Variants in GLS observed in about 807,000 individuals in gnomAD.
GLS encodes glutaminase.
GLS carries 36 observed loss-of-function variants against 86.7 expected under a neutral mutation model. The observed-to-expected ratio is 0.42, with a 90% CI of 0.32 to 0.55. The LOEUF (loss-of-function observed/expected upper bound fraction) is 0.55, where lower values mean the gene tolerates loss of function less well. GLS is among the 20% of genes least tolerant of loss of function. The pLI is 0.17. For synonymous variants in GLS, 317 were observed against 305.9 expected (o/e 1.04, Z -0.38); for missense variants, 528 against 833.4 (o/e 0.63, Z 4.51).
At chr2:190,906,082 A>G (rs1689126590) in intron 6 of GLS, among the ~76,000 whole-genome samples, 2 of 151,876 alleles carry the variant, frequency 1.3e-5, no homozygotes, top group Non-Finnish European at 2.9e-5. Context: ...TTTCTTTCCC[A>G]TTTTACCGTA....
chr2:190,964,800 A>G lies in GLS; in HGVS notation c.*1814A>G, dbSNP rs750560218. 1 of 152,212 alleles carries G rather than the reference A, an allele frequency of 6.6e-6. No homozygotes were observed. The highest frequency in any genetic ancestry group is 1.5e-5 in the Non-Finnish European group (1 of 68,044). The allele number at this position is 152,212 out of a possible 1,614,324, so 9.4% of individuals were successfully genotyped here. On this transcript the variant is annotated 3_prime_UTR_variant, in exon 18 of 18. Transcript: ENST00000320717. The surrounding 1 kb of genome is among the most constrained non-coding windows in gnomAD (Gnocchi z 5.2). The stretch of plus-strand genomic sequence containing the variant: ...CACGTTTTAACTGAAATCAATCAAG[A>G]TAACTTTATTCAAAGAGCAGCCCGC...
chr2:190,929,209 T>G (rs1047463072), intron 12 of GLS, among the ~76,000 whole-genome samples: 2 of 151,700 alleles, frequency 1.3e-5, no homozygotes, highest in African/African-American at 4.8e-5. Context: ...AACTTAAATT[T>G]TTTGAGGAGG....
At chr2:190,949,000 G>A (rs773879561) in intron 14 of GLS, among the ~76,000 whole-genome samples, 15 of 152,128 alleles carry the variant, frequency 9.9e-5, no homozygotes, top group Non-Finnish European at 1.6e-4. Flanking sequence ...GCTGGGCTGG[G>A]ATGGCCTGGG....
chr2:190,892,984 G>A (rs1574563994), intron 1 of GLS, among the ~76,000 whole-genome samples: 1 of 152,024 alleles, frequency 6.6e-6, no homozygotes, highest in Non-Finnish European at 1.5e-5. Flanking sequence ...ATAGCTTTTA[G>A]GCAAAGCAAA....
In GLS at chr2:190,881,351, T is replaced by G. The variant is rs1688163380; in HGVS notation, c.267T>G (p.His89Gln). The G allele has an allele frequency of 1.3e-6, 2 of 1,537,286 alleles. No individual in the cohort carries two copies. Among genetic ancestry groups the G allele is most frequent in the Non-Finnish European group, 1.8e-6 (2 of 1,141,876 alleles). ...AGGAGCTGGGCAAGGGGAGCACGCA[T>G]CCGCAGCCCGGGGTGTCGCCACCCG... is the stretch of plus-strand genomic sequence containing the variant. ...ILQELGKGSTHPQPGVSPPAA... is the reference protein window; with the variant it reads ...ILQELGKGSTQPQPGVSPPAA... The change falls in exon 1 of 18, where the codon CAT becomes CAG. Residue 89 changes from histidine to glutamine, a missense_variant. This residue lies in a region of GLS where 224 missense variants were observed against 187.9 expected (regional missense o/e 1.19). Coordinates refer to ENST00000320717, the MANE Select transcript of GLS (RefSeq NM_014905.5).
intron 1 of GLS, among the ~76,000 whole-genome samples, chr2:190,882,387 CCT>C (rs1251915790): frequency 6.6e-6 from 1 of 152,118 alleles, no homozygotes; most frequent in Non-Finnish European, 1.5e-5. Flanking sequence ...AAAGCAGTCT[CCT>C]ATATATTTTT....
rs1688705782 is a variant in GLS at position 190,895,606 on chromosome 2, A to C, written c.486A>C (p.Ala162=). The change falls in exon 3 of 18, where the codon GCA becomes GCC. Residue 162 remains alanine (A), a splice_region_variant and synonymous_variant. Coordinates refer to ENST00000320717, the MANE Select transcript of GLS (RefSeq NM_014905.5). This position sits in a 1 kb window ranked among gnomAD's most constrained non-coding sequence, Gnocchi z 4.2. ...EKIPVHKFIT[A]LKSTGLRTSD... ...AACTCTTATTTTTTTAAAAACAGGC[A>C]CTCAAATCTACAGGATTGCGAACGT... The C allele has an allele frequency of 1.3e-6, 2 of 1,590,924 alleles. No individual in the cohort carries two copies. Among genetic ancestry groups the C allele is most frequent in the African/African-American group, 2.7e-5 (2 of 74,296 alleles).
Position 190,901,234 on chromosome 2 carries a change from G to A in GLS, c.735+541G>A, listed in dbSNP as rs115093301. Reference sequence around the variant, plus strand: ...ACTACTTATAACTACTGTTATAAGCGTTACCGATAACATAAATAGTCTATT... The same window carrying A: ...ACTACTTATAACTACTGTTATAAGCATTACCGATAACATAAATAGTCTATT... On this transcript the variant is annotated intron_variant, in intron 4 of 17. Transcript: ENST00000320717. Among the ~76,000 whole-genome samples the A allele has an allele frequency of 2.2e-3, 327 of 151,976 alleles. 1 individual carries two copies. The highest frequency in any genetic ancestry group is 6.9e-3 in the African/African-American group (286 of 41,470).
chr2:190,960,546 T>A (rs1226273184), intron 17 of GLS, among the ~76,000 whole-genome samples: 2 of 151,474 alleles, frequency 1.3e-5, no homozygotes, highest in East Asian at 3.9e-4. Context: ...TTTATTTATT[T>A]TTTATTTTTT....
chr2:190,961,467 G>A (rs1274416307), intron 17 of GLS, among the ~76,000 whole-genome samples: 2 of 152,176 alleles, frequency 1.3e-5, no homozygotes, highest in Admixed American at 1.3e-4. Flanking sequence ...AAAGTGATAG[G>A]ATTACAGGCA....
rs1231068383 is a variant in GLS at position 190,953,020 on chromosome 2, G to T, written c.1651-545G>T. ...ATAAGTTCTGAGAATGACCCAATTT[G>T]TACCACCTGGGCATTGAACTGAAGG... On this transcript the variant is annotated intron_variant, in intron 14 of 17. Coordinates refer to ENST00000320717, the MANE Select transcript of GLS (RefSeq NM_014905.5). The surrounding 1 kb of genome is among the most constrained non-coding windows in gnomAD (Gnocchi z 4.0). Among the ~76,000 whole-genome samples, 1 of 152,198 alleles carries T rather than the reference G, an allele frequency of 6.6e-6. No homozygotes were observed. Among genetic ancestry groups the T allele is most frequent in the Admixed American group, 6.5e-5 (1 of 15,272 alleles).
At chr2:190,890,413 A>G (rs1225739531) in intron 1 of GLS, among the ~76,000 whole-genome samples, 2 of 152,176 alleles carry the variant, frequency 1.3e-5, no homozygotes, top group Non-Finnish European at 2.9e-5. Flanking sequence ...ATAGGGTTTT[A>G]ATATGATAGA....
intron 1 of GLS, among the ~76,000 whole-genome samples, chr2:190,889,655 T>C (rs571627934): frequency 1.3e-5 from 2 of 152,328 alleles, no homozygotes; most frequent in African/African-American, 4.8e-5. Flanking sequence ...TTGGATGTTA[T>C]AGACTTGATC....
chr2:190,901,592 C>T (rs1316572959), intron 4 of GLS, among the ~76,000 whole-genome samples: 1 of 151,548 alleles, frequency 6.6e-6, no homozygotes, highest in Non-Finnish European at 1.5e-5. Context: ...TAGTGAAACC[C>T]TACTAGCACC....
chr2:190,922,142 T>C (rs13000464), intron 9 of GLS, among the ~76,000 whole-genome samples: 65,932 of 151,994 alleles, frequency 0.43, 17,388 homozygotes, highest in Non-Finnish European at 0.6. Context: ...TCAGTTCTGC[T>C]GTTTAGTAGA....
rs971707215 is a variant in GLS at position 190,924,130 on chromosome 2, G to A, written c.1197+147G>A. On this transcript the variant is annotated intron_variant, in intron 10 of 17. Transcript: ENST00000320717. The surrounding 1 kb of genome is among the most constrained non-coding windows in gnomAD (Gnocchi z 5.2). ...GTTTTTGCAGAGTGCTCGTGAGTCA[G>A]TGTTATCAAATTGTTAATGTTATTG... The A allele has an allele frequency of 6.8e-6, 4 of 586,620 alleles. No individual in the cohort carries two copies. The highest frequency in any genetic ancestry group is 9.1e-6 in the Non-Finnish European group (3 of 330,626). The allele number at this position is 586,620 out of a possible 1,614,324, so 36.3% of individuals were successfully genotyped here.
chr2:190,880,920 ACCC>A lies in GLS; in HGVS notation c.-164_-162del. On this transcript the variant is annotated 5_prime_UTR_variant, in exon 1 of 18. Coordinates refer to ENST00000320717, the MANE Select transcript of GLS (RefSeq NM_014905.5). ...CAGCAGCAGCAGCAGCAGCAGCAGC[ACCC>A]GCATCCGCTGCGGGAGTCCGAGCCG... The A allele has an allele frequency of 7.5e-5, 70 of 933,534 alleles. No individual in the cohort carries two copies. Among genetic ancestry groups the A allele is most frequent in the Middle Eastern group, 3.2e-4 (1 of 3,162 alleles). 57.8% of individuals were successfully genotyped at this position (933,534 alleles called of 1,614,324 possible). A position where few individuals can be genotyped will look rare whatever the true frequency, so the allele number is the denominator to read the frequency against.
chr2:190,890,846 G>A (rs888302618), intron 1 of GLS, among the ~76,000 whole-genome samples: 2 of 151,700 alleles, frequency 1.3e-5, no homozygotes, highest in Admixed American at 1.3e-4. Context: ...TTGTCTCATA[G>A]GTTTACCATA....
At position 190,895,458 on chromosome 2, in the gene GLS, G is replaced by C. The variant is rs1688700456; in HGVS notation, c.484-146G>C. 1.7e-6 allele frequency: 1 copy of C among 581,300 alleles called. No individual in the cohort carries two copies. The highest frequency in any genetic ancestry group is 1.9e-5 in the African/African-American group (1 of 52,776). The allele number at this position is 581,300 out of a possible 1,614,324, so 36.0% of individuals were successfully genotyped here. On this transcript the variant is annotated intron_variant, in intron 2 of 17. Transcript: ENST00000320717. The surrounding 1 kb of genome is among the most constrained non-coding windows in gnomAD (Gnocchi z 4.2). ...AAACAATGAGAAACTTGTCCAGAAA[G>C]TGGGTAATAGTGACACTAAGATGCC...
Sources: allele counts gnomAD v4.1 joint callset (sites outside exome capture counted in the v4.1 genomes callset), GRCh38; gene constraint gnomAD v4.1.1; regional missense constraint gnomAD v4.1.1; non-coding constraint Gnocchi (gnomAD v3.1); transcripts MANE v1.5; gene names NCBI Gene and HGNC (gene_info 2026-07-23, HGNC 2026-07-21).